The following DNAJC1 variants were observed in gnomAD, a reference collection of about 807,000 sequenced individuals.
DNAJC1 encodes DnaJ heat shock protein family (Hsp40) member C1.
DNAJC1 carries 58 observed loss-of-function variants against 76.6 expected under a neutral mutation model. That is an observed-to-expected ratio of 0.76 (90% CI 0.61 to 0.94). DNAJC1 has a LOEUF of 0.94. DNAJC1 is among the 40% of genes least tolerant of loss of function. The pLI, the probability that DNAJC1 is intolerant of heterozygous loss-of-function variation, is 0.00. For missense variants in DNAJC1, 689 were observed against 677.3 expected, an observed-to-expected ratio of 1.02 and a Z score of -0.19; for synonymous variants, 258 against 267.9, an observed-to-expected ratio of 0.96 and a Z score of 0.36.
Position 21,853,545 on chromosome 10 carries a change from A to G in DNAJC1, c.978+28737T>C, listed in dbSNP as rs919880925. Among the ~76,000 whole-genome samples, 20 of 152,130 alleles carry G rather than the reference A, an allele frequency of 1.3e-4. No homozygotes were observed. In the East Asian group the frequency reaches 2.9e-3, roughly 22 times the overall value. On this transcript the variant is annotated intron_variant, in intron 8 of 11. Coordinates refer to ENST00000376980, the MANE Select transcript of DNAJC1 (RefSeq NM_022365.4). ...TTCGGTAAAAAAAGTTATTTCCTCAATACTAACCATATTGTTGTACCAGAA... is the reference window on the plus strand; with the variant it reads ...TTCGGTAAAAAAAGTTATTTCCTCAGTACTAACCATATTGTTGTACCAGAA...
chr10:21,812,060 A>ATT (rs1338290273), intron 8 of DNAJC1, among the ~76,000 whole-genome samples: 6 of 141,508 alleles, frequency 4.2e-5, no homozygotes, highest in Admixed American at 7.1e-5. Context: ...ATGACAAATG[A>ATT]TTTTTTTTTT....
intron 1 of DNAJC1, among the ~76,000 whole-genome samples, chr10:21,992,578 G>GT: frequency 6.6e-6 from 1 of 152,030 alleles, no homozygotes; most frequent in African/African-American, 2.4e-5. Flanking sequence ...AAGTTCATCT[G>GT]TTTTTTACAT....
chr10:21,788,065 T>A (rs1440386086), intron 9 of DNAJC1, among the ~76,000 whole-genome samples: 1 of 152,212 alleles, frequency 6.6e-6, no homozygotes, highest in Non-Finnish European at 1.5e-5. Context: ...TGAGCACCTT[T>A]CCCTGTGGAA....
chr10:21,948,581 A>G (rs961977417), intron 1 of DNAJC1, among the ~76,000 whole-genome samples: 2 of 152,198 alleles, frequency 1.3e-5, no homozygotes, highest in Non-Finnish European at 2.9e-5. Context: ...ATATTAAGAC[A>G]TTTTGAGACA....
chr10:21,826,310 C>T (rs546364916), intron 8 of DNAJC1, among the ~76,000 whole-genome samples: 5 of 149,298 alleles, frequency 3.3e-5, no homozygotes, highest in African/African-American at 1.2e-4. Context: ...CTGTGGGGTG[C>T]ATTTTTACTC....
chr10:21,998,604 T>C (rs1590086635), intron 1 of DNAJC1, among the ~76,000 whole-genome samples: 1 of 152,076 alleles, frequency 6.6e-6, no homozygotes. Context: ...AATATCCAAA[T>C]TGGAGTGCCC....
intron 9 of DNAJC1, among the ~76,000 whole-genome samples, chr10:21,786,764 C>A (rs980659937): frequency 8.5e-5 from 13 of 152,070 alleles, no homozygotes; most frequent in African/African-American, 3.1e-4. Context: ...AGCCACTGTG[C>A]CTGGACTAAA....
At chr10:21,841,544 C>A (rs548140463) in intron 8 of DNAJC1, among the ~76,000 whole-genome samples, 2 of 152,228 alleles carry the variant, frequency 1.3e-5, no homozygotes, top group East Asian at 3.9e-4. Flanking sequence ...AAATCAAAAC[C>A]ACAATGAGAT....
intron 7 of DNAJC1, among the ~76,000 whole-genome samples, chr10:21,902,247 C>A (rs1836668015): frequency 6.6e-6 from 1 of 152,156 alleles, no homozygotes; most frequent in Non-Finnish European, 1.5e-5. Flanking sequence ...AAGACTGTTA[C>A]ACATTTTCAC....
chr10:21,841,618 GATGTGGAGTAATAGGA>G (rs1295042870), intron 8 of DNAJC1, among the ~76,000 whole-genome samples: 1 of 152,194 alleles, frequency 6.6e-6, no homozygotes, highest in African/African-American at 2.4e-5. Flanking sequence ...TGCTGGAGAG[GATGTGGAGTAATAGGA>G]ACATTTTTAC....
chr10:21,932,452 C>T (rs1837243438), intron 1 of DNAJC1, among the ~76,000 whole-genome samples: 1 of 152,138 alleles, frequency 6.6e-6, no homozygotes, highest in African/African-American at 2.4e-5. Context: ...GTTCGTCCCT[C>T]CAGAGAAACA....
At chr10:21,803,276 G>C (rs934683436) in intron 9 of DNAJC1, among the ~76,000 whole-genome samples, 2 of 152,010 alleles carry the variant, frequency 1.3e-5, no homozygotes, top group Admixed American at 6.6e-5. Flanking sequence ...AAGGAAACCC[G>C]GTCAAAGAAC....
intron 8 of DNAJC1, among the ~76,000 whole-genome samples, chr10:21,871,619 T>A (rs1186901583): frequency 1.3e-5 from 2 of 152,084 alleles, no homozygotes; most frequent in Admixed American, 1.3e-4. Flanking sequence ...ATTGCTGATT[T>A]ATAACATTTA....
intron 1 of DNAJC1, among the ~76,000 whole-genome samples, chr10:21,948,474 A>T (rs1265741615): frequency 6.6e-6 from 1 of 152,150 alleles, no homozygotes; most frequent in Non-Finnish European, 1.5e-5. Flanking sequence ...TTCCAGGCAG[A>T]GTGTGTTTGG....
At chr10:21,839,503 G>T (rs1195766555) in intron 8 of DNAJC1, among the ~76,000 whole-genome samples, 1 of 152,218 alleles carries the variant, frequency 6.6e-6, no homozygotes, top group Non-Finnish European at 1.5e-5. Flanking sequence ...AAATCTAGAA[G>T]AAATGGATAA....
rs563834983 is a variant in DNAJC1 at position 21,962,449 on chromosome 10, T to C, written c.223-33308A>G. Among the ~76,000 whole-genome samples the C allele has an allele frequency of 2.0e-3, 277 of 136,764 alleles. 2 individuals are homozygous for C. The highest frequency in any genetic ancestry group is 7.4e-3 in the African/African-American group (263 of 35,686). The allele number at this position is 136,764 out of a possible 152,430, so 89.7% of individuals were successfully genotyped here. A position where few individuals can be genotyped will look rare whatever the true frequency, so the allele number is the denominator to read the frequency against. On this transcript the variant is annotated intron_variant, in intron 1 of 11. Transcript: ENST00000376980. ...CATCTAGGATGCAATTAAAACTTGC[T>C]ATTTTATTGCTTTTTTTTTTTTTTT...
chr10:21,827,511 T>C (rs1044981768), intron 8 of DNAJC1, among the ~76,000 whole-genome samples: 3 of 152,180 alleles, frequency 2.0e-5, no homozygotes, highest in African/African-American at 7.2e-5. Flanking sequence ...GCAGGGTTAG[T>C]TCCTTTTGGA....
chr10:21,907,132 A>G (rs1021850096), intron 6 of DNAJC1, among the ~76,000 whole-genome samples: 7 of 152,116 alleles, frequency 4.6e-5, no homozygotes, highest in African/African-American at 1.7e-4. Flanking sequence ...TCCCACTAAA[A>G]CTTCCTCTTT....
chr10:21,833,876 T>C (rs1438163109), intron 8 of DNAJC1, among the ~76,000 whole-genome samples: 1 of 151,980 alleles, frequency 6.6e-6, no homozygotes. Flanking sequence ...TACAACCAAA[T>C]ACAAGATTAA....
Sources: allele counts gnomAD v4.1 joint callset (sites outside exome capture counted in the v4.1 genomes callset), GRCh38; gene constraint gnomAD v4.1.1; transcripts MANE v1.5; gene names NCBI Gene and HGNC (gene_info 2026-07-23, HGNC 2026-07-21).